PRKN: variants seen among roughly 807,000 people sequenced by gnomAD.
PRKN encodes the protein parkin RBR E3 ubiquitin protein ligase, also known as E3 ubiquitin-protein ligase parkin.
In PRKN, 56 loss-of-function variants were observed where a neutral mutation model predicts 59.5. The ratio of observed to expected loss-of-function variants is 0.94; its 90% CI spans 0.76 to 1.18. PRKN has a LOEUF of 1.18. PRKN is among the 50% of genes most tolerant of loss of function. The pLI is 0.00. For missense variants in PRKN, 657 were observed against 596.4 expected (o/e 1.10, Z -1.06); for synonymous variants, 250 against 222.1 (o/e 1.13, Z -1.12).
Position 161,760,339 on chromosome 6 carries a change from T to C in PRKN, c.871+25433A>G, listed in dbSNP as rs1789142263. On this transcript the variant is annotated intron_variant, in intron 7 of 11. Coordinates refer to ENST00000366898, the MANE Select transcript of PRKN (RefSeq NM_004562.3). Reference sequence around the variant, plus strand: ...TATCTGCGTCCTGGAATTGGACTTTTACATTTTTATTTTAATGAAAATGAT... The same window carrying C: ...TATCTGCGTCCTGGAATTGGACTTTCACATTTTTATTTTAATGAAAATGAT... 2.0e-5 allele frequency among the ~76,000 whole-genome samples: 3 copies of C among 150,244 alleles called. No homozygotes were observed. In the South Asian group the frequency reaches 6.4e-4, roughly 32 times the overall value.
intron 5 of PRKN, among the ~76,000 whole-genome samples, chr6:162,053,012 G>C (rs922249520): frequency 6.6e-6 from 1 of 151,960 alleles, no homozygotes; most frequent in Non-Finnish European, 1.5e-5. Flanking sequence ...TATGAAATAC[G>C]CACTCTAATT....
chr6:162,255,483 TCAC>T (rs1158783654), intron 3 of PRKN, among the ~76,000 whole-genome samples: 17 of 152,176 alleles, frequency 1.1e-4, no homozygotes, highest in African/African-American at 4.1e-4. Context: ...AGTGCACTAT[TCAC>T]TTGAGGATCT....
At chr6:161,367,309 A>C (rs1785248874) in intron 10 of PRKN, among the ~76,000 whole-genome samples, 1 of 151,928 alleles carries the variant, frequency 6.6e-6, no homozygotes, top group South Asian at 2.1e-4. Flanking sequence ...GTACCAAGCT[A>C]GGGGAGGGTG....
intron 9 of PRKN, among the ~76,000 whole-genome samples, chr6:161,449,918 C>A (rs1293499045): frequency 1.3e-5 from 2 of 152,196 alleles, no homozygotes; most frequent in East Asian, 1.9e-4. Flanking sequence ...CCCACACCCA[C>A]CCACGAGACT....
chr6:162,272,591 G>A (rs1262659493), intron 2 of PRKN, among the ~76,000 whole-genome samples: 1 of 152,108 alleles, frequency 6.6e-6, no homozygotes, highest in Non-Finnish European at 1.5e-5. Context: ...CCACATGCGA[G>A]TTTATGCCAC....
At chr6:162,541,102 G>T (rs1462850223) in intron 1 of PRKN, among the ~76,000 whole-genome samples, 3 of 152,094 alleles carry the variant, frequency 2.0e-5, no homozygotes, top group Non-Finnish European at 2.9e-5. Context: ...TCTTCCTTAG[G>T]GTTTTCAAAC....
rs183121745 is a variant in PRKN, at chr6:161,422,706, A to C, written c.1084-35829T>G. ...AATAGGAAGGAAAAATAGAGGAAAA[A>C]AGGAAGAAGGAAGGAAGAAAGGAAG... On this transcript the variant is annotated intron_variant, in intron 9 of 11. Transcript: ENST00000366898. 6.8e-3 allele frequency among the ~76,000 whole-genome samples: 1,029 copies of C among 152,274 alleles called. 13 individuals are homozygous for C. The highest frequency in any genetic ancestry group is 6.8e-3 in the Middle Eastern group (2 of 294).
chr6:161,700,293 C>G (rs1487719966), intron 7 of PRKN, among the ~76,000 whole-genome samples: 1 of 152,096 alleles, frequency 6.6e-6, no homozygotes, highest in Non-Finnish European at 1.5e-5. Flanking sequence ...TTCCTTCTAA[C>G]CTCTTTGATC....
intron 6 of PRKN, among the ~76,000 whole-genome samples, chr6:161,805,485 T>TGCAC (rs1412606332): frequency 4.8e-5 from 2 of 41,896 alleles, no homozygotes; most frequent in Non-Finnish European, 6.5e-5. Context: ...CACACATGCA[T>TGCAC]GTACACACAC....
At chr6:161,733,797 T>TATAC (rs58765166) in intron 7 of PRKN, among the ~76,000 whole-genome samples, 21 of 82,004 alleles carry the variant, frequency 2.6e-4, no homozygotes, top group African/African-American at 7.4e-4. Flanking sequence ...TATATATATA[T>TATAC]GTATATATAT....
chr6:162,635,840 G>A (rs1016539477), intron 1 of PRKN, among the ~76,000 whole-genome samples: 7 of 152,016 alleles, frequency 4.6e-5, no homozygotes, highest in East Asian at 1.9e-4. Context: ...ATTCGCTTCC[G>A]GTTTGGGGGC....
At chr6:161,726,358 C>T (rs987079755) in intron 7 of PRKN, among the ~76,000 whole-genome samples, 1 of 152,172 alleles carries the variant, frequency 6.6e-6, no homozygotes, top group East Asian at 1.9e-4. Flanking sequence ...CAAGACAGAT[C>T]ATTCAGTTGT....
At chr6:162,712,789 T>C (rs532188462) in intron 1 of PRKN, among the ~76,000 whole-genome samples, 1 of 152,314 alleles carries the variant, frequency 6.6e-6, no homozygotes, top group South Asian at 2.1e-4. Flanking sequence ...GAACCTGTCT[T>C]CTGAGATTAT....
rs1247187053 is a variant in PRKN at position 161,946,414 on chromosome 6, A to ACACACACACACACACACTCTCT, written c.734+26887_734+26888insAGAGAGTGTGTGTGTGTGTGTG. Among the ~76,000 whole-genome samples, 281 of 114,400 alleles carry ACACACACACACACACACTCTCT rather than the reference A, an allele frequency of 2.5e-3. 1 individual carries two copies. The highest frequency in any genetic ancestry group is 9.3e-3 in the Middle Eastern group (2 of 214). The allele number at this position is 114,400 out of a possible 152,430, so 75.1% of individuals were successfully genotyped here. ...CACACACACACACACACACACACAC[A>ACACACACACACACACACTCTCT]CTCTCTCTCTCTCTCTCTCTCTCTC... On this transcript the variant is annotated intron_variant, in intron 6 of 11. Coordinates refer to ENST00000366898, the MANE Select transcript of PRKN (RefSeq NM_004562.3).
At chr6:161,939,265 A>G (rs570708437) in intron 6 of PRKN, among the ~76,000 whole-genome samples, 9 of 151,818 alleles carry the variant, frequency 5.9e-5, no homozygotes, top group African/African-American at 2.2e-4. Context: ...TAAAAGTACA[A>G]AAAATGGCCG....
chr6:162,495,688 CT>C (rs1171682776), intron 1 of PRKN, among the ~76,000 whole-genome samples: 1 of 152,176 alleles, frequency 6.6e-6, no homozygotes, highest in Non-Finnish European at 1.5e-5. Context: ...TTCTTTCTCA[CT>C]GTCACTCAAT....
intron 7 of PRKN, among the ~76,000 whole-genome samples, chr6:161,726,810 A>G (rs541629125): frequency 4.1e-4 from 63 of 152,322 alleles, no homozygotes; most frequent in Middle Eastern, 3.4e-3. Flanking sequence ...CCAATCAGGA[A>G]TCACAACTCA....
chr6:161,535,076 T>C (rs1259421684), intron 9 of PRKN, among the ~76,000 whole-genome samples: 1 of 152,230 alleles, frequency 6.6e-6, no homozygotes, highest in African/African-American at 2.4e-5. Context: ...GTATGTGACA[T>C]GAGAACAAAA....
intron 1 of PRKN, among the ~76,000 whole-genome samples, chr6:162,552,661 A>C (rs2128204052): frequency 6.6e-6 from 1 of 152,234 alleles, no homozygotes; most frequent in East Asian, 1.9e-4. Context: ...CAGGTAAGTA[A>C]TTTGGATAAA....
Sources: gnomAD v4.1 joint callset for allele counts (sites outside exome capture counted in the v4.1 genomes callset) on GRCh38, gnomAD v4.1.1 for gene constraint, MANE v1.5 for transcripts, NCBI Gene and HGNC (gene_info 2026-07-23, HGNC 2026-07-21) for gene names.